The following LHFPL3 variants were observed in gnomAD, a reference collection of about 807,000 sequenced individuals.
The protein encoded by LHFPL3 is LHFPL tetraspan subfamily member 3.
A neutral mutation model predicts 19.3 loss-of-function variants in LHFPL3; 5 were observed. The observed-to-expected ratio is 0.26, with a 90% CI of 0.14 to 0.54. The LOEUF (loss-of-function observed/expected upper bound fraction) is 0.54. Among genes scored for constraint, LHFPL3 ranks in the 20% least tolerant of loss-of-function variants. LHFPL3 has a pLI of 0.94. For synonymous variants in LHFPL3, 133 were observed against 126.2 expected, an observed-to-expected ratio of 1.05 and a Z score of -0.36; for missense variants, 249 against 307.4, an observed-to-expected ratio of 0.81 and a Z score of 1.42.
At position 104,506,244 on chromosome 7, in the gene LHFPL3, G is replaced by A. The variant is rs569137883; in HGVS notation, c.445+177020G>A. Among the ~76,000 whole-genome samples, 11 of 140,402 alleles carry A rather than the reference G, an allele frequency of 7.8e-5. No individual in the cohort carries two copies. The South Asian group carries it at 2.1e-3, about 27-fold the overall frequency. The allele number at this position is 140,402 out of a possible 152,430, so 92.1% of individuals were successfully genotyped here. ...ATTTTATAAGGAAATCCCCGCCCCC[G>A]CTGCCCCCACCCAACCCCACCGCCG... On this transcript the variant is annotated intron_variant, in intron 1 of 2. Transcript: ENST00000424859.
At chr7:104,554,052 G>C (rs1001948957) in intron 1 of LHFPL3, among the ~76,000 whole-genome samples, 1 of 152,094 alleles carries the variant, frequency 6.6e-6, no homozygotes, top group Non-Finnish European at 1.5e-5. Flanking sequence ...ATGACAATTT[G>C]TCAGTAAAGA....
chr7:104,585,480 A>AACACACAAACACACACAC lies in LHFPL3; in HGVS notation c.446-151188_446-151187insAACACACACACACACACA, dbSNP rs368941359. Among the ~76,000 whole-genome samples the AACACACAAACACACACAC allele has an allele frequency of 2.3e-4, 28 of 123,458 alleles. No homozygotes were observed. In the East Asian group the frequency reaches 6.2e-3, roughly 27 times the overall value. The allele number at this position is 123,458 out of a possible 152,430, so 81.0% of individuals were successfully genotyped here. ...AAAGTGGAATAAGGCAACACACACA[A>AACACACAAACACACACAC]ACACACACACACACACACACACACA... On this transcript the variant is annotated intron_variant, in intron 1 of 2. Coordinates refer to ENST00000424859, the MANE Select transcript of LHFPL3 (RefSeq NM_199000.3).
chr7:104,578,638 A>G (rs1167509357), intron 1 of LHFPL3, among the ~76,000 whole-genome samples: 3 of 152,172 alleles, frequency 2.0e-5, no homozygotes, highest in Non-Finnish European at 4.4e-5. Flanking sequence ...TCCAGTCCTG[A>G]GCACTGATGG....
intron 1 of LHFPL3, among the ~76,000 whole-genome samples, chr7:104,460,951 G>A (rs1012312698): frequency 5.3e-5 from 8 of 152,038 alleles, no homozygotes; most frequent in Admixed American, 1.3e-4. Flanking sequence ...TGACTTCCAG[G>A]GTTTTTATAG....
chr7:104,761,739 G>A (rs1405835824), intron 2 of LHFPL3, among the ~76,000 whole-genome samples: 2 of 152,114 alleles, frequency 1.3e-5, no homozygotes, highest in Admixed American at 6.5e-5. Context: ...ATAGCCTGCC[G>A]GAATTTTCAT....
intron 2 of LHFPL3, among the ~76,000 whole-genome samples, chr7:104,746,032 C>T (rs566841584): frequency 1.5e-4 from 23 of 152,180 alleles, no homozygotes; most frequent in Admixed American, 3.3e-4. Flanking sequence ...GATTCCAGGC[C>T]GGACATGGTG....
chr7:104,834,884 G>C (rs768126946), intron 2 of LHFPL3, among the ~76,000 whole-genome samples: 3 of 152,010 alleles, frequency 2.0e-5, no homozygotes, highest in Admixed American at 2.0e-4. Flanking sequence ...TGTAACCTTG[G>C]AGAGGTAGAG....
chr7:104,595,773 C>T (rs916165003), intron 1 of LHFPL3, among the ~76,000 whole-genome samples: 25 of 152,376 alleles, frequency 1.6e-4, no homozygotes, highest in African/African-American at 3.1e-4. Flanking sequence ...CAATGGCAGA[C>T]GCCCCTCCCC....
At chr7:104,448,229 A>G (rs1792368858) in intron 1 of LHFPL3, among the ~76,000 whole-genome samples, 1 of 152,174 alleles carries the variant, frequency 6.6e-6, no homozygotes, top group Admixed American at 6.5e-5. Context: ...TGAATAATGA[A>G]AAATACAGGG....
At chr7:104,632,003 A>C (rs760545337) in intron 1 of LHFPL3, among the ~76,000 whole-genome samples, 2 of 152,218 alleles carry the variant, frequency 1.3e-5, no homozygotes, top group Non-Finnish European at 2.9e-5. Context: ...TTTAGGAGGC[A>C]GTGAGTGACC....
chr7:104,797,271 T>A lies in LHFPL3; in HGVS notation c.682+60360T>A, dbSNP rs948209988. Among the ~76,000 whole-genome samples, 8 of 152,200 alleles carry A rather than the reference T, an allele frequency of 5.3e-5. No individual in the cohort carries two copies. In the South Asian group the frequency reaches 1.2e-3, roughly 24 times the overall value. On this transcript the variant is annotated intron_variant, in intron 2 of 2. Coordinates refer to ENST00000424859, the MANE Select transcript of LHFPL3 (RefSeq NM_199000.3). The stretch of plus-strand genomic sequence containing the variant: ...CACCCAGCATTTCTGAATTCCCACC[T>A]TCCTGGCACATGATAGGATTGTACC...
chr7:104,769,566 G>T (rs113663282), intron 2 of LHFPL3, among the ~76,000 whole-genome samples: 11,038 of 151,726 alleles, frequency 0.073, 541 homozygotes, highest in South Asian at 0.11. Context: ...CCATCAACCC[G>T]TCATCTACAT....
intron 2 of LHFPL3, among the ~76,000 whole-genome samples, chr7:104,805,075 T>C (rs909714200): frequency 6.6e-6 from 1 of 152,218 alleles, no homozygotes. Context: ...GGGGCCCCCA[T>C]AGGCTCAGAT....
At chr7:104,464,204 G>A (rs758346125) in intron 1 of LHFPL3, among the ~76,000 whole-genome samples, 5 of 152,152 alleles carry the variant, frequency 3.3e-5, no homozygotes, top group South Asian at 2.1e-4. Context: ...CTTGTCTCAC[G>A]CCCGGGTCAC....
intron 1 of LHFPL3, among the ~76,000 whole-genome samples, chr7:104,459,106 T>G (rs768591205): frequency 1.2e-4 from 18 of 152,230 alleles, no homozygotes; most frequent in Non-Finnish European, 2.4e-4. Flanking sequence ...AAGGTGGTAT[T>G]GATTTCCTGC....
chr7:104,845,453 G>A, intron 2 of LHFPL3: 1 of 1,534,894 alleles, frequency 6.5e-7, no homozygotes. Flanking sequence ...TGGCTTTGTG[G>A]GTTCAGCTCT....
intron 1 of LHFPL3, among the ~76,000 whole-genome samples, chr7:104,625,117 T>C (rs1791518426): frequency 6.6e-6 from 1 of 152,248 alleles, no homozygotes; most frequent in South Asian, 2.1e-4. Flanking sequence ...CTGCAAATCA[T>C]ATGCAGTTGG....
chr7:104,456,528 A>G (rs573225877), intron 1 of LHFPL3, among the ~76,000 whole-genome samples: 1 of 152,296 alleles, frequency 6.6e-6, no homozygotes, highest in Admixed American at 6.5e-5. Context: ...CTTTTTCTAC[A>G]GTTACATGGA....
rs543569798 is a variant in LHFPL3 at position 104,595,482 on chromosome 7, C to T, written c.446-141193C>T. On this transcript the variant is annotated intron_variant, in intron 1 of 2. Transcript: ENST00000424859. ...TATATGAGATGTCTGTCGGCCCCTA[C>T]TTTGACATGTCTCCCAATTAGGCTA... Among the ~76,000 whole-genome samples the T allele has an allele frequency of 1.4e-3, 207 of 152,366 alleles. 2 individuals carry two copies. Among genetic ancestry groups the T allele is most frequent in the African/African-American group, 4.8e-3 (199 of 41,594 alleles).
Sources: allele counts gnomAD v4.1 joint callset (sites outside exome capture counted in the v4.1 genomes callset), GRCh38; gene constraint gnomAD v4.1.1; transcripts MANE v1.5; gene names NCBI Gene and HGNC (gene_info 2026-07-23, HGNC 2026-07-21).